CRYBA4: variants seen among roughly 807,000 people sequenced by gnomAD.
The protein encoded by CRYBA4 is crystallin beta A4.
A neutral mutation model predicts 31.7 loss-of-function variants in CRYBA4; 30 were observed. The observed-to-expected ratio is 0.95, with a 90% confidence interval of 0.71 to 1.28. CRYBA4 has a LOEUF of 1.28. CRYBA4 is among the 50% of genes most tolerant of loss of function. The probability of loss-of-function intolerance (pLI) is 0.00; values close to 1 mark genes in which losing one functional copy is unlikely to be tolerated. For missense variants in CRYBA4, 225 were observed against 260.7 expected (o/e 0.86, Z 0.94); for synonymous variants, 102 against 102.3 (o/e 1.00, Z 0.02).
the CRYBA4 span, among the ~76,000 whole-genome samples, chr22:26,594,311 T>G: frequency 6.6e-6 from 1 of 152,176 alleles, no homozygotes; most frequent in African/African-American, 2.4e-5. Context: ...TGCTGTGTAT[T>G]TATCAGCATC....
chr22:26,630,165 G>C (rs145675577), intron 5 of CRYBA4, among the ~76,000 whole-genome samples, 175 bp from the exon 6 acceptor site: 1 of 152,238 alleles, frequency 6.6e-6, no homozygotes, highest in African/African-American at 2.4e-5. Flanking sequence ...TTCTGGCAAA[G>C]GGAATGGCAT....
intron 2 of CRYBA4, among the ~76,000 whole-genome samples, chr22:26,622,982 T>C (rs940238868): frequency 5.9e-5 from 9 of 152,238 alleles, no homozygotes; most frequent in Non-Finnish European, 5.9e-5. Flanking sequence ...GTGATTGTCT[T>C]GAGAAATTGG....
upstream of CRYBA4, among the ~76,000 whole-genome samples, chr22:26,618,973 T>G (rs370727562): frequency 2.6e-5 from 4 of 152,310 alleles, no homozygotes; most frequent in African/African-American, 9.6e-5. Context: ...GAAATATGAC[T>G]GCCTGTCCCA....
At chr22:26,627,359 C>CCCTCCCTCCCTCCCTCCCTCCCCTCTTT in intron 4 of CRYBA4, among the ~76,000 whole-genome samples, 1 of 41,820 alleles carries the variant, frequency 2.4e-5, no homozygotes, top group Non-Finnish European at 4.1e-5. Context: ...CTCCCTCCCT[C>CCCTCCCTCCCTCCCTCCCTCCCCTCTTT]CTTTCTTTCT....
chr22:26,604,719 T>C, the CRYBA4 span, among the ~76,000 whole-genome samples: 1 of 152,182 alleles, frequency 6.6e-6, no homozygotes, highest in African/African-American at 2.4e-5. Context: ...AAGTGCAAGG[T>C]GCCAGGCAGG....
In CRYBA4 at chr22:26,628,345, G is replaced by GGA. The variant is rs1314288011; in HGVS notation, c.362_363dup (p.Leu122SerfsTer2). On this transcript the variant is annotated frameshift_variant, in exon 5 of 6. Transcript: ENST00000354760. LOFTEE classifies it high-confidence loss of function. ...GCAAGAGAACTTCCTGGGCAAGAAA[G>GGA]GAGAGCTGAGCGATGACTATCCTTC... is the stretch of plus-strand genomic sequence containing the variant. 6.2e-7 allele frequency: 1 copy of GGA among 1,614,064 alleles called. No homozygotes were observed. Among genetic ancestry groups the GGA allele is most frequent in the South Asian group, 1.1e-5 (1 of 91,064 alleles).
chr22:26,616,189 A>G, the CRYBA4 span: 1 of 1,614,186 alleles, frequency 6.2e-7, no homozygotes, highest in Non-Finnish European at 8.5e-7. Context: ...GGTAATAGGC[A>G]CGGTTGTTGG....
chr22:26,607,460 G>A, the CRYBA4 span, among the ~76,000 whole-genome samples: 1 of 151,776 alleles, frequency 6.6e-6, no homozygotes, highest in Non-Finnish European at 1.5e-5. Flanking sequence ...AGGAGGCCCA[G>A]GCGGGAGGAT....
chr22:26,605,512 A>G, the CRYBA4 span, among the ~76,000 whole-genome samples: 742 of 152,106 alleles, frequency 4.9e-3, 3 homozygotes, highest in African/African-American at 0.017. Flanking sequence ...TGTCTCTATA[A>G]AAAATACAAA....
At chr22:26,608,015 G>A in the CRYBA4 span, 26 of 1,614,004 alleles carry the variant, frequency 1.6e-5, no homozygotes, top group Non-Finnish European at 1.9e-5. Flanking sequence ...GCTCAAAGGC[G>A]ACCCAGCTGG....
At chr22:26,613,843 C>G in the CRYBA4 span, among the ~76,000 whole-genome samples, 1 of 152,338 alleles carries the variant, frequency 6.6e-6, no homozygotes, top group African/African-American at 2.4e-5. Context: ...TCTCTTCTTT[C>G]AAAAGCAAAT....
chr22:26,611,774 G>A, the CRYBA4 span, among the ~76,000 whole-genome samples: 2 of 152,002 alleles, frequency 1.3e-5, no homozygotes, highest in African/African-American at 2.4e-5. Flanking sequence ...GCGCCCGGCC[G>A]GGCTAGAGTT....
chr22:26,618,355 G>A (rs781582902), upstream of CRYBA4, among the ~76,000 whole-genome samples: 20 of 152,362 alleles, frequency 1.3e-4, no homozygotes, highest in Non-Finnish European at 1.3e-4. Context: ...CAGGAGACCA[G>A]AGTTTGAATC....
chr22:26,627,048 A>G (rs1929721859), intron 4 of CRYBA4, among the ~76,000 whole-genome samples: 1 of 111,926 alleles, frequency 8.9e-6, no homozygotes, highest in African/African-American at 2.6e-5. Context: ...TTTATTCTGC[A>G]AACAGTCTAG....
At chr22:26,613,950 C>G in the CRYBA4 span, among the ~76,000 whole-genome samples, 1 of 152,156 alleles carries the variant, frequency 6.6e-6, no homozygotes, top group African/African-American at 2.4e-5. Flanking sequence ...CCCCCCTGGG[C>G]GTGGTCGTCT....
chr22:26,609,083 T>C, the CRYBA4 span, among the ~76,000 whole-genome samples: 2 of 152,178 alleles, frequency 1.3e-5, no homozygotes, highest in African/African-American at 4.8e-5. Context: ...CCTTGACCTT[T>C]GCTCCCCGTG....
chr22:26,627,211 C>G (rs1929726328), intron 4 of CRYBA4, among the ~76,000 whole-genome samples: 1 of 152,118 alleles, frequency 6.6e-6, no homozygotes, highest in Non-Finnish European at 1.5e-5. Flanking sequence ...AACAGAGGCT[C>G]AGAAATCCTG....
chr22:26,619,420 G>A (rs1929462023), upstream of CRYBA4, among the ~76,000 whole-genome samples: 2 of 152,290 alleles, frequency 1.3e-5, no homozygotes, highest in Non-Finnish European at 2.9e-5. Flanking sequence ...TAGTCACATG[G>A]CGGGAACTCA....
the CRYBA4 span, among the ~76,000 whole-genome samples, chr22:26,615,655 A>G: frequency 6.6e-6 from 1 of 151,902 alleles, no homozygotes; most frequent in African/African-American, 2.4e-5. Context: ...CTGGGATTAC[A>G]GGCGCCCACC....
Sources: allele counts gnomAD v4.1 joint callset (sites outside exome capture counted in the v4.1 genomes callset), GRCh38; gene constraint gnomAD v4.1.1; transcripts MANE v1.5; gene names NCBI Gene and HGNC (gene_info 2026-07-23, HGNC 2026-07-21).